The following CENPE variants were observed in gnomAD, a reference collection of about 807,000 sequenced individuals.
The protein encoded by CENPE is centromere protein E.
CENPE carries 145 observed loss-of-function variants against 336.1 expected under a neutral mutation model. That is an observed-to-expected ratio of 0.43 (90% CI 0.38 to 0.50). CENPE has a LOEUF of 0.50. CENPE is among the 20% of genes least tolerant of loss of function. CENPE has a pLI of 0.00. For synonymous variants in CENPE, 1,013 were observed against 984.8 expected, an observed-to-expected ratio of 1.03 and a Z score of -0.54; for missense variants, 2,719 against 3,023.3, an observed-to-expected ratio of 0.90 and a Z score of 2.36.
chr4:103,191,156 G>A (rs1317630067), intron 8 of CENPE, among the ~76,000 whole-genome samples: 1 of 152,182 alleles, frequency 6.6e-6, no homozygotes, highest in East Asian at 1.9e-4. Context: ...AACAGGTGCT[G>A]GAGAGGATGT....
chr4:103,152,867 ATCT>A (rs1293116796), intron 25 of CENPE, among the ~76,000 whole-genome samples, 177 bp downstream of exon 25: 2 of 152,168 alleles, frequency 1.3e-5, no homozygotes, highest in African/African-American at 4.8e-5. Context: ...TGATGGAAAC[ATCT>A]TCTATCTTGA....
intron 47 of CENPE, among the ~76,000 whole-genome samples, chr4:103,110,393 T>C (rs954736009): frequency 3.3e-5 from 5 of 152,200 alleles, no homozygotes; most frequent in African/African-American, 1.2e-4. Flanking sequence ...CGCTTTTTTT[T>C]CTACTGTATC....
chr4:103,180,102 C>G (rs966745769), intron 13 of CENPE, among the ~76,000 whole-genome samples: 5 of 152,092 alleles, frequency 3.3e-5, no homozygotes, highest in Admixed American at 6.5e-5. Flanking sequence ...TAAATACATT[C>G]CAAACTTGTT....
chr4:103,191,128 G>T (rs150812513), intron 8 of CENPE, among the ~76,000 whole-genome samples: 24,263 of 152,044 alleles, frequency 0.16, 2,343 homozygotes, highest in Non-Finnish European at 0.2. Context: ...AATGGCAATC[G>T]TTAAAAAGTC....
chr4:103,120,099 G>C, intron 44 of CENPE, 49 bp downstream of exon 44: 1 of 1,366,092 alleles, frequency 7.3e-7, no homozygotes, highest in Non-Finnish European at 1.0e-6. Context: ...AATTCAATAG[G>C]TTAAACAAAC....
intron 47 of CENPE, among the ~76,000 whole-genome samples, 195 bp from the exon 48 acceptor site, chr4:103,109,284 T>C (rs1749181941): frequency 6.6e-6 from 1 of 152,168 alleles, no homozygotes; most frequent in African/African-American, 2.4e-5. Context: ...GAAAACAAAA[T>C]GGATCTATAT....
Position 103,126,157 on chromosome 4 carries a change from C to T in CENPE, c.6925-3068G>A, listed in dbSNP as rs145283114. On this transcript the variant is annotated intron_variant, in intron 42 of 48. Coordinates refer to ENST00000265148, the MANE Select transcript of CENPE (RefSeq NM_001813.3). ...TTCGGAGACCTAGTCATACAGTGGC[C>T]GCCACACTTTTGTATTTTACCTTCA... Among the ~76,000 whole-genome samples, 361 of 152,130 alleles carry T rather than the reference C, an allele frequency of 2.4e-3. 3 individuals carry two copies. In the Middle Eastern group the frequency reaches 0.051, roughly 22 times the overall value.
chr4:103,159,325 C>A lies in CENPE; in HGVS notation c.2287-1G>T. The A allele has an allele frequency of 1.4e-6, 2 of 1,416,102 alleles. No homozygotes were observed. The highest frequency in any genetic ancestry group is 1.9e-6 in the Non-Finnish European group (2 of 1,073,040). 87.7% of individuals were successfully genotyped at this position (1,416,102 alleles called of 1,614,324 possible). ...GGAGCTCTTCAGATTTGTCTTGTAT[C>A]TATGGAAAAGAAATAAAATTTAGGG... is the stretch of plus-strand genomic sequence containing the variant. On this transcript the variant is annotated splice_acceptor_variant, in intron 21 of 48. Coordinates refer to ENST00000265148, the MANE Select transcript of CENPE (RefSeq NM_001813.3). LOFTEE classifies it high-confidence loss of function.
chr4:103,149,902 C>T (rs1392811755), intron 26 of CENPE, among the ~76,000 whole-genome samples: 1 of 152,122 alleles, frequency 6.6e-6, no homozygotes, highest in Non-Finnish European at 1.5e-5. Context: ...AGAACTGTGA[C>T]AGAATATGTC....
intron 4 of CENPE, among the ~76,000 whole-genome samples, 180 bp downstream of exon 4, chr4:103,195,740 A>G (rs538520582): frequency 6.6e-6 from 1 of 152,290 alleles, no homozygotes; most frequent in South Asian, 2.1e-4. Flanking sequence ...TAAGCTTTAT[A>G]AAGTAAGTTG....
At chr4:103,148,821 G>T (rs1753286261) in intron 28 of CENPE, 23 bp downstream of exon 28, 1 of 1,598,924 alleles carries the variant, frequency 6.3e-7, no homozygotes. Context: ...AGTGACAAAG[G>T]ATGAAAGGAA....
At chr4:103,143,141 G>A in intron 34 of CENPE, 107 bp downstream of exon 34, 3 of 668,294 alleles carry the variant, frequency 4.5e-6, no homozygotes, top group South Asian at 4.3e-5. Context: ...GAGTAGGCAA[G>A]TAAGTCTTCA....
chr4:103,116,555 T>C, intron 45 of CENPE, 22 bp downstream of exon 45: 2 of 1,232,222 alleles, frequency 1.6e-6, no homozygotes, highest in Non-Finnish European at 2.3e-6. Flanking sequence ...TAAAATCACA[T>C]TAAATTAAGA....
intron 44 of CENPE, among the ~76,000 whole-genome samples, chr4:103,117,691 G>A (rs188383213): frequency 2.2e-4 from 32 of 145,540 alleles, no homozygotes; most frequent in Middle Eastern, 3.5e-3. Flanking sequence ...GCAGTGGTGC[G>A]ATCTCGGCTC....
intron 28 of CENPE, among the ~76,000 whole-genome samples, 189 bp from the exon 29 acceptor site, chr4:103,147,835 AG>A (rs1753187189): frequency 1.3e-5 from 2 of 152,024 alleles, no homozygotes; most frequent in Non-Finnish European, 2.9e-5. Context: ...CTGGGATTAC[AG>A]GTGTGTGCTA....
rs1167408775 is a variant in CENPE, at chr4:103,182,840, G to C, written c.885C>G (p.Ser295=). The part of the protein sequence containing the change: ...DSKLTRILQN[S]LGGNAKTRII... ...TACGTGTCTTTGCATTTCCTCCCAA[G>C]GAATTCTGGAGAATTCGTGTTAACT... Residue 295 remains serine (S), a synonymous_variant, in exon 11 of 49, where the codon TCC becomes TCG. Coordinates refer to ENST00000265148, the MANE Select transcript of CENPE (RefSeq NM_001813.3). The C allele has an allele frequency of 6.2e-7, 1 of 1,611,924 alleles. No homozygotes were observed. The highest frequency in any genetic ancestry group is 8.5e-7 in the Non-Finnish European group (1 of 1,178,492).
intron 4 of CENPE, 147 bp downstream of exon 4, chr4:103,195,772 GC>G: frequency 1.6e-6 from 1 of 631,760 alleles, no homozygotes; most frequent in Non-Finnish European, 2.9e-6. Flanking sequence ...GTGAATCTAT[GC>G]TATGCCTTTC....
intron 31 of CENPE, 34 bp from the exon 32 acceptor site, chr4:103,145,368 T>G (rs1752940228): frequency 7.1e-7 from 1 of 1,405,040 alleles, no homozygotes; most frequent in Non-Finnish European, 9.8e-7. Flanking sequence ...TTAATAGTCA[T>G]AAAAATATGT....
chr4:103,184,066 T>C (rs147439685), intron 9 of CENPE, among the ~76,000 whole-genome samples: 227 of 152,340 alleles, frequency 1.5e-3, no homozygotes, highest in African/African-American at 5.2e-3. Context: ...CTACTGCCTA[T>C]ACAAAAAAAA....
Sources: allele counts gnomAD v4.1 joint callset (sites outside exome capture counted in the v4.1 genomes callset), GRCh38; gene constraint gnomAD v4.1.1; transcripts MANE v1.5; gene names NCBI Gene and HGNC (gene_info 2026-07-23, HGNC 2026-07-21).